Variants in RCBTB2 observed in about 807,000 individuals in gnomAD.
RCBTB2 encodes the protein RCC1 and BTB domain-containing protein 2.
Under a neutral mutation model 65.4 loss-of-function variants are expected in RCBTB2, and 55 were observed. That is an observed-to-expected ratio of 0.84 (90% confidence interval 0.68 to 1.05). The LOEUF (loss-of-function observed/expected upper bound fraction) is 1.05, where lower values mean the gene tolerates loss of function less well. Among genes scored for constraint, RCBTB2 ranks in the 50% least tolerant of loss-of-function variants. RCBTB2 has a pLI of 0.00. For missense variants in RCBTB2, 599 were observed against 680.1 expected (o/e 0.88, Z 1.33); for synonymous variants, 220 against 255.2 (o/e 0.86, Z 1.31).
At chr13:48,500,095 A>G (rs2138445171) in intron 12 of RCBTB2, among the ~76,000 whole-genome samples, 1 of 152,244 alleles carries the variant, frequency 6.6e-6, no homozygotes, top group South Asian at 2.1e-4. Context: ...CTGTTTCCTC[A>G]CTCCATTACG....
upstream of RCBTB2, among the ~76,000 whole-genome samples, chr13:48,534,706 A>G (rs1952335566): frequency 6.6e-6 from 1 of 152,244 alleles, no homozygotes; most frequent in Non-Finnish European, 1.5e-5. Flanking sequence ...AGTTTTTCCC[A>G]GGGCGGTCAA....
At chr13:48,512,596 T>C in intron 7 of RCBTB2, 133 bp downstream of exon 7, 4 of 764,110 alleles carry the variant, frequency 5.2e-6, no homozygotes, top group Admixed American at 5.4e-5. Context: ...TGACTGTGAA[T>C]TGCTACCAAA....
intron 6 of RCBTB2, among the ~76,000 whole-genome samples, chr13:48,514,736 T>C (rs771922662): frequency 3.3e-5 from 5 of 152,200 alleles, no homozygotes; most frequent in Non-Finnish European, 5.9e-5. Flanking sequence ...GTTTTATTTA[T>C]TTTCTTCCTT....
chr13:48,521,841 G>T, intron 4 of RCBTB2, 57 bp downstream of exon 4: 1 of 1,519,304 alleles, frequency 6.6e-7, no homozygotes, highest in Non-Finnish European at 9.1e-7. Context: ...GGTGCTTCAT[G>T]AAGTATGTTT....
At chr13:48,495,388 A>C (rs1469401162) in intron 14 of RCBTB2, among the ~76,000 whole-genome samples, 1 of 136,200 alleles carries the variant, frequency 7.3e-6, no homozygotes, top group Non-Finnish European at 1.5e-5. Flanking sequence ...TTTTTCAAAA[A>C]ATAAAAATAG....
At chr13:48,521,467 A>C (rs2138607470) in intron 4 of RCBTB2, among the ~76,000 whole-genome samples, 1 of 152,358 alleles carries the variant, frequency 6.6e-6, no homozygotes, top group Admixed American at 6.5e-5. Flanking sequence ...AAGTTGGTTG[A>C]CTGTCATGTT....
rs1228419140 is a variant in RCBTB2 at position 48,511,847 on chromosome 13, G to A, written c.706C>T (p.Gln236Ter). 3.1e-6 allele frequency: 5 copies of A among 1,614,034 alleles called. No homozygotes were observed. The Admixed American group carries it at 5.0e-5, about 16-fold the overall frequency. ...VYVWGYNGNG[Q>*]LGLGNSGNQP... ...TTGCCACTGTTGCCGAGTCCAAGCTGCCCGTTTCCGTTGTAACCCCAGACA... is the reference window on the plus strand; with the variant it reads ...TTGCCACTGTTGCCGAGTCCAAGCTACCCGTTTCCGTTGTAACCCCAGACA... The change falls in exon 9 of 15, where the codon CAG (glutamine) becomes TAG (stop). Residue 236 changes from glutamine (Q) to a stop codon, truncating the protein, a stop_gained. Transcript: ENST00000344532. LOFTEE classifies it high-confidence loss of function.
At position 48,515,223 on chromosome 13, in the gene RCBTB2, T is replaced by C; in HGVS notation, c.331A>G (p.Ile111Val). The change falls in exon 6 of 15, where the codon ATT becomes GTT. Residue 111 changes from isoleucine to valine, a missense_variant. Ile to Val is a conservative substitution (Grantham distance 29, BLOSUM62 3). Coordinates refer to ENST00000344532, the MANE Select transcript of RCBTB2 (RefSeq NM_001268.4). ...ACLSYGSGPH[I>V]VLATTEGEVF... The stretch of plus-strand genomic sequence containing the variant: ...AGGTTACCTGTTGTTGCAAGGACAA[T>C]ATGTGGACCACTCCCATAGCTGAGG... 1 of 1,613,944 alleles carries C rather than the reference T, an allele frequency of 6.2e-7. No homozygotes were observed. The highest frequency in any genetic ancestry group is 8.5e-7 in the Non-Finnish European group (1 of 1,179,950).
chr13:48,522,684 A>C (rs552379635), intron 2 of RCBTB2, among the ~76,000 whole-genome samples: 182 of 152,314 alleles, frequency 1.2e-3, no homozygotes, highest in African/African-American at 4.0e-3. Context: ...AAATAAAAAT[A>C]AAATATTCTC....
At chr13:48,518,102 C>T (rs1951195260) in intron 4 of RCBTB2, among the ~76,000 whole-genome samples, 1 of 152,140 alleles carries the variant, frequency 6.6e-6, no homozygotes, top group Admixed American at 6.5e-5. Context: ...GGAGCATTGC[C>T]CTGATGATGC....
chr13:48,522,206 A>G, intron 3 of RCBTB2, 102 bp downstream of exon 3: 1 of 814,936 alleles, frequency 1.2e-6, no homozygotes, highest in Non-Finnish European at 2.0e-6. Flanking sequence ...CTGAAAAAGT[A>G]GTCTCAAAAT....
intron 11 of RCBTB2, among the ~76,000 whole-genome samples, chr13:48,502,414 A>AC (rs1381381915): frequency 6.6e-6 from 1 of 151,766 alleles, no homozygotes; most frequent in Non-Finnish European, 1.5e-5. Flanking sequence ...GATCGCTTGA[A>AC]CCCAGGGGCT....
rs573569058 is a variant in RCBTB2, at chr13:48,492,691, T to G, written c.1516-2440A>C. 2.0e-5 allele frequency: 3 copies of G among 151,050 alleles called. 1 individual carries two copies. Among genetic ancestry groups the G allele is most frequent in the African/African-American group, 7.5e-5 (3 of 39,958 alleles). The allele number at this position is 151,050 out of a possible 1,614,324, so 9.4% of individuals were successfully genotyped here. On this transcript the variant is annotated intron_variant, in intron 14 of 14. Transcript: ENST00000344532. ...ACTTCTTCCTTCCTGTTTCGCTTTC[T>G]TTCCCAGCCTGCAGGAAACGGTCTG... is the stretch of plus-strand genomic sequence containing the variant.
chr13:48,506,605 G>A (rs1350965830), intron 10 of RCBTB2, among the ~76,000 whole-genome samples: 2 of 152,200 alleles, frequency 1.3e-5, no homozygotes, highest in African/African-American at 4.8e-5. Flanking sequence ...CAGAAGCCGC[G>A]CTGGTCAGGT....
At chr13:48,505,050 C>T (rs899935345) in intron 10 of RCBTB2, among the ~76,000 whole-genome samples, 11 of 138,354 alleles carry the variant, frequency 8.0e-5, no homozygotes, top group African/African-American at 1.7e-4. Context: ...TTATTTCTTT[C>T]TTTTTTTTTT....
intron 4 of RCBTB2, 120 bp from the exon 5 acceptor site, chr13:48,515,861 G>T: frequency 9.9e-7 from 1 of 1,006,724 alleles, no homozygotes; most frequent in Non-Finnish European, 1.4e-6. Context: ...ATCCATTTTT[G>T]AGAGGCCTCT....
rs1178376149 is a variant in RCBTB2, at chr13:48,510,787, T to C, written c.784-16A>G. ...CACAGGCGACCTGGAAGGAAAAAAA[T>C]CCACTCAGGACTGCAAATATAAGTA... On this transcript the variant is annotated splice_polypyrimidine_tract_variant and intron_variant, in intron 9 of 14. Coordinates refer to ENST00000344532, the MANE Select transcript of RCBTB2 (RefSeq NM_001268.4). 2.5e-6 allele frequency: 4 copies of C among 1,609,092 alleles called. No individual in the cohort carries two copies. In the African/African-American group the frequency reaches 4.0e-5, roughly 16 times the overall value.
intron 2 of RCBTB2, among the ~76,000 whole-genome samples, chr13:48,523,408 T>C (rs965131021): frequency 6.6e-6 from 1 of 152,210 alleles, no homozygotes; most frequent in African/African-American, 2.4e-5. Context: ...ATGTACCTTC[T>C]CTATTAATTG....
chr13:48,511,708 C>A (rs1950802702), intron 9 of RCBTB2, 62 bp downstream of exon 9: 9 of 1,377,938 alleles, frequency 6.5e-6, no homozygotes, highest in Non-Finnish European at 8.0e-6. Context: ...GTTTTTAATA[C>A]ATTGATATCT....
Sources: gnomAD v4.1 joint callset for allele counts (sites outside exome capture counted in the v4.1 genomes callset) on GRCh38, gnomAD v4.1.1 for gene constraint, MANE v1.5 for transcripts, NCBI Gene and HGNC (gene_info 2026-07-23, HGNC 2026-07-21) for gene names.